The following NSD3 variants were observed in gnomAD, a reference collection of about 807,000 sequenced individuals.
The protein encoded by NSD3 is histone-lysine N-methyltransferase NSD3.
NSD3 carries 24 observed loss-of-function variants against 160.8 expected under a neutral mutation model. The ratio of observed to expected loss-of-function variants is 0.15; its 90% CI spans 0.11 to 0.21. The LOEUF (loss-of-function observed/expected upper bound fraction) is 0.21, where lower values mean the gene tolerates loss of function less well. Ranked by LOEUF, NSD3 falls within the 10% of genes least tolerant of loss-of-function variation. NSD3 has a pLI of 1.00. For missense variants in NSD3, 1,157 were observed against 1,735.9 expected, an observed-to-expected ratio of 0.67 and a Z score of 5.93; for synonymous variants, 520 against 600.0, an observed-to-expected ratio of 0.87 and a Z score of 1.95.
At chr8:38,357,361 T>C (rs1483124760) in intron 1 of NSD3, among the ~76,000 whole-genome samples, 1 of 152,054 alleles carries the variant, frequency 6.6e-6, no homozygotes, top group Non-Finnish European at 1.5e-5. Flanking sequence ...ACAGATCATA[T>C]AAGGCCCTCC....
intron 15 of NSD3, among the ~76,000 whole-genome samples, chr8:38,297,266 G>A (rs1056266759): frequency 2.0e-5 from 3 of 152,134 alleles, no homozygotes; most frequent in African/African-American, 7.2e-5. Flanking sequence ...ACCAAAACAG[G>A]TGTGGCAAAC....
At chr8:38,378,913 A>ATT (rs1287946124) in intron 1 of NSD3, among the ~76,000 whole-genome samples, 4 of 152,132 alleles carry the variant, frequency 2.6e-5, no homozygotes, top group African/African-American at 9.7e-5. Context: ...AGCATAGCAC[A>ATT]GTGTGAGGAC....
At chr8:38,361,709 C>G (rs1810969722) in intron 1 of NSD3, among the ~76,000 whole-genome samples, 1 of 142,960 alleles carries the variant, frequency 7.0e-6, no homozygotes, top group African/African-American at 2.6e-5. Context: ...GAGCCAAGAT[C>G]GCGCCACTGC....
intron 2 of NSD3, among the ~76,000 whole-genome samples, chr8:38,341,402 G>A (rs1810362645): frequency 6.6e-6 from 1 of 152,142 alleles, no homozygotes; most frequent in Non-Finnish European, 1.5e-5. Flanking sequence ...GCCAGGCACT[G>A]TGGTGGGTGC....
intron 2 of NSD3, among the ~76,000 whole-genome samples, chr8:38,341,012 C>T (rs1018567877): frequency 2.0e-5 from 3 of 151,800 alleles, no homozygotes; most frequent in Non-Finnish European, 4.4e-5. Context: ...ACAACAAATG[C>T]CTGTAGTCCC....
chr8:38,375,400 T>C (rs1229761547), intron 1 of NSD3, among the ~76,000 whole-genome samples: 6 of 152,186 alleles, frequency 3.9e-5, no homozygotes, highest in African/African-American at 1.4e-4. Context: ...AAGTTGTGCT[T>C]TAGGAGTAAC....
chr8:38,346,470 A>G (rs1290662137), intron 2 of NSD3, among the ~76,000 whole-genome samples: 3 of 150,982 alleles, frequency 2.0e-5, no homozygotes, highest in Middle Eastern at 3.5e-3. Context: ...CTAGAATATA[A>G]GCATCCTGAG....
chr8:38,367,595 C>T (rs1402140559), intron 1 of NSD3, among the ~76,000 whole-genome samples: 1 of 151,910 alleles, frequency 6.6e-6, no homozygotes, highest in Non-Finnish European at 1.5e-5. Flanking sequence ...GCCTGTGGTC[C>T]CAGCTACTAG....
intron 13 of NSD3, 94 bp from the exon 14 acceptor site, chr8:38,304,851 A>G (rs1431247596): frequency 2.3e-6 from 3 of 1,331,892 alleles, no homozygotes; most frequent in Non-Finnish European, 3.0e-6. Flanking sequence ...TCCCTCTGAG[A>G]TGCTAGTTAC....
chr8:38,275,575 C>G lies in NSD3; in HGVS notation c.*66G>C. On this transcript the variant is annotated 3_prime_UTR_variant, in exon 24 of 24. Coordinates refer to ENST00000317025, the MANE Select transcript of NSD3 (RefSeq NM_023034.2). ...AAGGCTGTATGCACTGTAGCAGTCT[C>G]TTCTTTTTAAATGCATGATCTATTT... The G allele has an allele frequency of 1.4e-6, 2 of 1,476,090 alleles. No homozygotes were observed. The highest frequency in any genetic ancestry group is 1.8e-6 in the Non-Finnish European group (2 of 1,088,452). 91.4% of individuals were successfully genotyped at this position (1,476,090 alleles called of 1,614,324 possible). A position where few individuals can be genotyped will look rare whatever the true frequency, so the allele number is the denominator to read the frequency against.
intron 22 of NSD3, among the ~76,000 whole-genome samples, chr8:38,277,562 C>G (rs980877784): frequency 6.6e-6 from 1 of 152,164 alleles, no homozygotes; most frequent in Admixed American, 6.5e-5. Context: ...CAGGCGTGAG[C>G]CACCACGCCC....
At position 38,323,853 on chromosome 8, in the gene NSD3, C is replaced by T. The variant is rs370349411; in HGVS notation, c.1709-2681G>A. Reference sequence around the variant, plus strand: ...AAAAAAAAAAAAAAAAATTCAGTAACTTTCAGAGGAGAAAGAAAAACAAGC... The same window carrying T: ...AAAAAAAAAAAAAAAAATTCAGTAATTTTCAGAGGAGAAAGAAAAACAAGC... On this transcript the variant is annotated intron_variant, in intron 7 of 23. Transcript: ENST00000317025. 1.6e-3 allele frequency among the ~76,000 whole-genome samples: 231 copies of T among 147,364 alleles called. 2 individuals are homozygous for T. The highest frequency in any genetic ancestry group is 5.4e-3 in the African/African-American group (217 of 40,244).
At position 38,334,715 on chromosome 8, in the gene NSD3, G is replaced by A. The variant is rs371964416; in HGVS notation, c.910+2590C>T. ...GCGGAGGTTGCAGTGAGCTGAGATC[G>A]TGCTACTGCACTACAGCCTGGGCAA... On this transcript the variant is annotated intron_variant, in intron 4 of 23. Coordinates refer to ENST00000317025, the MANE Select transcript of NSD3 (RefSeq NM_023034.2). 9.8e-4 allele frequency among the ~76,000 whole-genome samples: 149 copies of A among 152,100 alleles called. 2 individuals are homozygous for A. The Middle Eastern group carries it at 0.014, about 14-fold the overall frequency.
At chr8:38,280,377 TAAAG>T (rs753339942) in intron 20 of NSD3, among the ~76,000 whole-genome samples, 37 of 152,176 alleles carry the variant, frequency 2.4e-4, no homozygotes, top group Non-Finnish European at 4.7e-4. Flanking sequence ...CCAGCAATCA[TAAAG>T]AACGACATTT....
Position 38,305,451 on chromosome 8 carries a change from A to G in NSD3, c.2243-6T>C, listed in dbSNP as rs188059306. 630 of 1,613,816 alleles carry G rather than the reference A, an allele frequency of 3.9e-4. 5 individuals carry two copies. The Middle Eastern group carries it at 7.9e-3, about 20-fold the overall frequency. Reference sequence around the variant, plus strand: ...CGAAAAACATGGGTGCTGCCCTGGAAAATTGGTGAGGAATACAAATTAAAT... The same window carrying G: ...CGAAAAACATGGGTGCTGCCCTGGAGAATTGGTGAGGAATACAAATTAAAT... On this transcript the variant is annotated splice_polypyrimidine_tract_variant and splice_region_variant and intron_variant, in intron 12 of 23. Transcript: ENST00000317025.
intron 1 of NSD3, among the ~76,000 whole-genome samples, chr8:38,374,452 ATTTGT>A (rs1193370942): frequency 1.3e-5 from 2 of 152,088 alleles, no homozygotes; most frequent in African/African-American, 4.8e-5. Context: ...CACAGTCTTA[ATTTGT>A]TTTAAGTAAT....
chr8:38,301,292 T>C (rs972987118), intron 14 of NSD3, among the ~76,000 whole-genome samples: 1 of 152,196 alleles, frequency 6.6e-6, no homozygotes, highest in Non-Finnish European at 1.5e-5. Flanking sequence ...ATAAAAGTTA[T>C]ATGGGCTGGG....
chr8:38,326,966 A>C, intron 6 of NSD3, 110 bp from the exon 7 acceptor site: 1 of 1,160,890 alleles, frequency 8.6e-7, no homozygotes, highest in Non-Finnish European at 1.2e-6. Context: ...TAAATTTTAT[A>C]TGGTCTTTGA....
At chr8:38,340,010 T>A (rs751693912) in intron 2 of NSD3, among the ~76,000 whole-genome samples, 2 of 152,202 alleles carry the variant, frequency 1.3e-5, no homozygotes, top group Non-Finnish European at 2.9e-5. Context: ...TAAACAAAAT[T>A]GATACCAGTA....
Sources: allele counts gnomAD v4.1 joint callset (sites outside exome capture counted in the v4.1 genomes callset), GRCh38; gene constraint gnomAD v4.1.1; transcripts MANE v1.5; gene names NCBI Gene and HGNC (gene_info 2026-07-23, HGNC 2026-07-21).